TMEM178B: variants seen among roughly 807,000 people sequenced by gnomAD.
TMEM178B encodes the protein transmembrane protein 178B.
A neutral mutation model predicts 31.0 loss-of-function variants in TMEM178B; 5 were observed. The ratio of observed to expected loss-of-function variants is 0.16; its 90% CI spans 0.08 to 0.34. TMEM178B has a LOEUF of 0.34. Ranked by LOEUF, TMEM178B falls within the 10% of genes least tolerant of loss-of-function variation. The pLI is 1.00. For synonymous variants in TMEM178B, 164 were observed against 164.0 expected, an observed-to-expected ratio of 1.00 and a Z score of 0.00; for missense variants, 275 against 400.3, an observed-to-expected ratio of 0.69 and a Z score of 2.67.
At chr7:141,332,876 C>T (rs949752950) in intron 2 of TMEM178B, among the ~76,000 whole-genome samples, 3 of 152,218 alleles carry the variant, frequency 2.0e-5, no homozygotes, top group Non-Finnish European at 4.4e-5. Context: ...TGGGAACTGA[C>T]ATATTTTGGT....
At chr7:141,187,161 A>G (rs1402783777) in intron 1 of TMEM178B, among the ~76,000 whole-genome samples, 1 of 129,002 alleles carries the variant, frequency 7.8e-6, no homozygotes, top group Non-Finnish European at 1.6e-5. Flanking sequence ...CTCATTGTTC[A>G]ATTCCCACCT....
intron 2 of TMEM178B, among the ~76,000 whole-genome samples, chr7:141,408,497 T>G (rs1356034493): frequency 3.3e-5 from 5 of 152,096 alleles, no homozygotes; most frequent in Admixed American, 6.6e-5. Context: ...TTTCCCAGAG[T>G]GGCAGGGCTG....
intron 2 of TMEM178B, among the ~76,000 whole-genome samples, chr7:141,270,569 T>C (rs1286143174): frequency 6.6e-6 from 1 of 152,220 alleles, no homozygotes; most frequent in Non-Finnish European, 1.5e-5. Flanking sequence ...CCTTGAATGA[T>C]TGTTTTGTTG....
chr7:141,502,418 C>T, the TMEM178B span, among the ~76,000 whole-genome samples: 10 of 152,156 alleles, frequency 6.6e-5, no homozygotes, highest in Non-Finnish European at 1.5e-4. Context: ...GGGCTAAATC[C>T]GAGGGAACTC....
chr7:141,449,372 G>T (rs889896845), intron 3 of TMEM178B, among the ~76,000 whole-genome samples: 6 of 152,112 alleles, frequency 3.9e-5, no homozygotes, highest in Non-Finnish European at 8.8e-5. Flanking sequence ...TTGCAGGGGT[G>T]GGGGCAGGTT....
rs372699785 is a variant in TMEM178B, at chr7:141,121,311, G to C, written c.382+46619G>C. On this transcript the variant is annotated intron_variant, in intron 1 of 3. Transcript: ENST00000565468. ...CTATCTATGGCTAAATTTTCCCAAA[G>C]AGTGTAGTAGATCTGTGAAATACCT... 1.2e-4 allele frequency among the ~76,000 whole-genome samples: 19 copies of C among 152,282 alleles called. 1 individual carries two copies. The highest frequency in any genetic ancestry group is 4.6e-4 in the African/African-American group (19 of 41,564).
At position 141,474,287 on chromosome 7, in the gene TMEM178B, C is replaced by G. The variant is rs1336369655; in HGVS notation, c.*3501C>G. On this transcript the variant is annotated 3_prime_UTR_variant, in exon 4 of 4. Coordinates refer to ENST00000565468, the MANE Select transcript of TMEM178B (RefSeq NM_001195278.2). ...ACGGTTTCTTCTTCTGTTTCCGTTT[C>G]CTCTCTCTCTACTCACTCCTACTTT... 3 of 152,074 alleles carry G rather than the reference C, an allele frequency of 2.0e-5. No homozygotes were observed. The highest frequency in any genetic ancestry group is 7.2e-5 in the African/African-American group (3 of 41,382). The allele number at this position is 152,074 out of a possible 1,614,324, so 9.4% of individuals were successfully genotyped here.
chr7:141,415,956 G>A (rs1446818528), intron 2 of TMEM178B: 2 of 152,612 alleles, frequency 1.3e-5, no homozygotes, highest in African/African-American at 2.4e-5. Flanking sequence ...TATGAATGAA[G>A]CTAAAGCACA....
At chr7:141,194,081 A>G (rs1268283445) in intron 1 of TMEM178B, among the ~76,000 whole-genome samples, 4 of 152,162 alleles carry the variant, frequency 2.6e-5, no homozygotes, top group South Asian at 2.1e-4. Flanking sequence ...GGGCCCTCTC[A>G]TAACACCTGG....
chr7:141,285,529 T>A (rs796697097), intron 2 of TMEM178B, among the ~76,000 whole-genome samples: 11 of 152,232 alleles, frequency 7.2e-5, no homozygotes, highest in African/African-American at 2.4e-4. Flanking sequence ...GTAATGCATA[T>A]TTTCCTGAAA....
intron 2 of TMEM178B, among the ~76,000 whole-genome samples, chr7:141,291,507 C>A: frequency 6.6e-6 from 1 of 152,156 alleles, no homozygotes; most frequent in East Asian, 1.9e-4. Context: ...AGTAATCACA[C>A]TGACTTCCTT....
intron 1 of TMEM178B, among the ~76,000 whole-genome samples, chr7:141,197,937 T>A (rs562765647): frequency 2.0e-5 from 3 of 152,182 alleles, no homozygotes; most frequent in Admixed American, 2.0e-4. Flanking sequence ...CCTGCCAGTT[T>A]CCATTCAAGT....
chr7:141,503,844 C>T, the TMEM178B span, among the ~76,000 whole-genome samples: 1 of 152,282 alleles, frequency 6.6e-6, no homozygotes, highest in Admixed American at 6.5e-5. Context: ...AATTACAGAT[C>T]TGTCCTGGTC....
chr7:141,322,107 C>T (rs781459639), intron 2 of TMEM178B, among the ~76,000 whole-genome samples: 6 of 152,108 alleles, frequency 3.9e-5, no homozygotes, highest in Non-Finnish European at 7.4e-5. Flanking sequence ...CATCATACAT[C>T]CTTACTACCT....
At chr7:141,470,432 A>G in intron 3 of TMEM178B, 104 bp from the exon 4 acceptor site, 1 of 1,265,556 alleles carries the variant, frequency 7.9e-7, no homozygotes, top group Non-Finnish European at 1.0e-6. Flanking sequence ...CCTACTCAAG[A>G]AAATTGAAAA....
intron 2 of TMEM178B, among the ~76,000 whole-genome samples, chr7:141,399,021 C>A (rs996463457): frequency 6.6e-6 from 1 of 152,242 alleles, no homozygotes; most frequent in African/African-American, 2.4e-5. Context: ...AATCAGTGTG[C>A]TCTGAATATG....
At chr7:141,291,963 T>C (rs191444795) in intron 2 of TMEM178B, among the ~76,000 whole-genome samples, 208 of 151,330 alleles carry the variant, frequency 1.4e-3, no homozygotes, top group African/African-American at 4.5e-3. Context: ...AAGCCCTGCC[T>C]GCTCTTTTCC....
Position 141,171,971 on chromosome 7 carries a change from G to A in TMEM178B, c.383-40620G>A, listed in dbSNP as rs1328682627. Among the ~76,000 whole-genome samples, 1 of 152,200 alleles carries A rather than the reference G, an allele frequency of 6.6e-6. No individual in the cohort carries two copies. The highest frequency in any genetic ancestry group is 2.4e-5 in the African/African-American group (1 of 41,458). On this transcript the variant is annotated intron_variant, in intron 1 of 3. Transcript: ENST00000565468. This position sits in a 1 kb window ranked among gnomAD's most constrained non-coding sequence, Gnocchi z 4.3. ...AGTACCTATTGTGTGCTAGTGCTGT[G>A]ATTGCGACCATTTATTGTGTACTTA...
At chr7:141,158,033 A>G (rs991001583) in intron 1 of TMEM178B, among the ~76,000 whole-genome samples, 3 of 152,142 alleles carry the variant, frequency 2.0e-5, no homozygotes, top group South Asian at 2.1e-4. Flanking sequence ...GCTAACAGAC[A>G]TCAGTCTGCA....
Sources: gnomAD v4.1 joint callset for allele counts (sites outside exome capture counted in the v4.1 genomes callset) on GRCh38, gnomAD v4.1.1 for gene constraint, Gnocchi (gnomAD v3.1) non-coding constraint, MANE v1.5 for transcripts, NCBI Gene and HGNC (gene_info 2026-07-23, HGNC 2026-07-21) for gene names.